The following SPAG1 variants were observed in gnomAD, a reference collection of about 807,000 sequenced individuals.
SPAG1 encodes the protein sperm-associated antigen 1.
A neutral mutation model predicts 100.5 loss-of-function variants in SPAG1; 69 were observed. The observed-to-expected ratio is 0.69, with a 90% confidence interval of 0.57 to 0.84. The LOEUF is 0.84. Among genes scored for constraint, SPAG1 ranks in the 40% least tolerant of loss-of-function variants. SPAG1 has a pLI of 0.00. For missense variants in SPAG1, 955 were observed against 1,133.1 expected (o/e 0.84, Z 2.26); for synonymous variants, 336 against 411.6 (o/e 0.82, Z 2.22).
In SPAG1 at chr8:100,239,443, G is replaced by C. The variant is rs1819157259; in HGVS notation, c.2280+39G>C. ...ATTATCTTTGAAAGTACTCCTTTGG[G>C]GACCTTAGACTGGATTCTAAGGTCA... On this transcript the variant is annotated intron_variant, in intron 17 of 18. Transcript: ENST00000388798. The surrounding 1 kb of genome is among the most constrained non-coding windows in gnomAD (Gnocchi z 5.0). 3 of 1,314,062 alleles carry C rather than the reference G, an allele frequency of 2.3e-6. No homozygotes were observed. In the African/African-American group the frequency reaches 4.4e-5, roughly 19 times the overall value. The allele number at this position is 1,314,062 out of a possible 1,614,324, so 81.4% of individuals were successfully genotyped here. A position where few individuals can be genotyped will look rare whatever the true frequency, so the allele number is the denominator to read the frequency against.
In SPAG1 at chr8:100,158,634, A is replaced by G. The variant is rs1452257606; in HGVS notation, c.-3+18A>G. ...AACTGGAGGTATTACTAAGCTGGCT[A>G]CGAAATATGGGAGGTGGATGTGGAT... On this transcript the variant is annotated intron_variant, in intron 1 of 18. Transcript: ENST00000388798. 1 of 152,186 alleles carries G rather than the reference A, an allele frequency of 6.6e-6. No individual in the cohort carries two copies. The highest frequency in any genetic ancestry group is 6.5e-5 in the Admixed American group (1 of 15,268). The allele number at this position is 152,186 out of a possible 1,614,324, so 9.4% of individuals were successfully genotyped here.
chr8:100,236,893 A>G (rs1563817384), intron 16 of SPAG1, among the ~76,000 whole-genome samples: 1 of 152,226 alleles, frequency 6.6e-6, no homozygotes, highest in Non-Finnish European at 1.5e-5. Flanking sequence ...GTTATGTATC[A>G]ATACAAATAT....
intron 4 of SPAG1, among the ~76,000 whole-genome samples, chr8:100,179,982 A>G (rs1484076616): frequency 6.6e-6 from 1 of 152,220 alleles, no homozygotes; most frequent in Non-Finnish European, 1.5e-5. Flanking sequence ...TCGCTTTAAG[A>G]AAAACAACTC....
intron 12 of SPAG1, among the ~76,000 whole-genome samples, chr8:100,214,623 C>T (rs923235979): frequency 5.9e-5 from 9 of 152,030 alleles, no homozygotes; most frequent in African/African-American, 2.2e-4. Context: ...TTTTAATAGA[C>T]AAATAATCAC....
chr8:100,239,444 G>T lies in SPAG1; in HGVS notation c.2280+40G>T. On this transcript the variant is annotated intron_variant, in intron 17 of 18. Transcript: ENST00000388798. The surrounding 1 kb of genome is among the most constrained non-coding windows in gnomAD (Gnocchi z 5.0). ...TTATCTTTGAAAGTACTCCTTTGGG[G>T]ACCTTAGACTGGATTCTAAGGTCAT... 1 of 1,268,962 alleles carries T rather than the reference G, an allele frequency of 7.9e-7. No individual in the cohort carries two copies. Among genetic ancestry groups the T allele is most frequent in the South Asian group, 1.2e-5 (1 of 81,402 alleles). 78.6% of individuals were successfully genotyped at this position (1,268,962 alleles called of 1,614,324 possible). A position where few individuals can be genotyped will look rare whatever the true frequency, so the allele number is the denominator to read the frequency against.
intron 16 of SPAG1, among the ~76,000 whole-genome samples, chr8:100,234,802 G>A (rs937507357): frequency 6.6e-6 from 1 of 152,192 alleles, no homozygotes; most frequent in Admixed American, 6.5e-5. Context: ...GTCAGATCCT[G>A]AGGGGCTTGG....
intron 14 of SPAG1, among the ~76,000 whole-genome samples, chr8:100,229,519 G>C (rs552921627): frequency 6.6e-6 from 1 of 152,330 alleles, no homozygotes; most frequent in South Asian, 2.1e-4. Context: ...CTGTTCATCT[G>C]AATTGGGCCA....
intron 3 of SPAG1, among the ~76,000 whole-genome samples, chr8:100,171,322 T>G (rs1400218920): frequency 6.6e-6 from 1 of 152,208 alleles, no homozygotes; most frequent in African/African-American, 2.4e-5. Context: ...AATATCACTG[T>G]CTGGTTTTGG....
chr8:100,232,392 C>T (rs1196099578), intron 15 of SPAG1, among the ~76,000 whole-genome samples: 1 of 152,126 alleles, frequency 6.6e-6, no homozygotes, highest in Non-Finnish European at 1.5e-5. Context: ...ATTCCATCCT[C>T]TCCCCAGGTC....
intron 10 of SPAG1, among the ~76,000 whole-genome samples, chr8:100,196,671 A>C (rs927777347): frequency 1.3e-5 from 2 of 151,982 alleles, no homozygotes; most frequent in Non-Finnish European, 2.9e-5. Context: ...TACAGAGCAA[A>C]GGTTTTTCAT....
At chr8:100,168,763 T>C (rs778954254) in intron 3 of SPAG1, among the ~76,000 whole-genome samples, 1 of 145,966 alleles carries the variant, frequency 6.9e-6, no homozygotes, top group Non-Finnish European at 1.5e-5. Flanking sequence ...TCTCAGCTCA[T>C]TGCAACCTCC....
At chr8:100,220,188 A>T in intron 12 of SPAG1, 91 bp from the exon 13 acceptor site, 1 of 1,069,046 alleles carries the variant, frequency 9.4e-7, no homozygotes, top group Non-Finnish European at 1.3e-6. Flanking sequence ...TACATATTTG[A>T]GAGTTCAGTA....
chr8:100,208,364 G>A (rs775495762), intron 10 of SPAG1, among the ~76,000 whole-genome samples: 29 of 152,154 alleles, frequency 1.9e-4, no homozygotes, highest in Admixed American at 6.5e-5. Flanking sequence ...CCATGAGGGC[G>A]TGTCTTAGTA....
At chr8:100,237,903 A>C (rs1443598327) in intron 16 of SPAG1, among the ~76,000 whole-genome samples, 1 of 152,150 alleles carries the variant, frequency 6.6e-6, no homozygotes, top group African/African-American at 2.4e-5. Flanking sequence ...TGTGGCTCAC[A>C]GGTCTCTATT....
chr8:100,181,641 C>T (rs1434009102), intron 4 of SPAG1, among the ~76,000 whole-genome samples: 7 of 152,152 alleles, frequency 4.6e-5, no homozygotes, highest in South Asian at 4.1e-4. Flanking sequence ...TTGGAAGCCC[C>T]GGCCTTCCTT....
chr8:100,166,158 G>A (rs899123869), intron 3 of SPAG1, among the ~76,000 whole-genome samples, 185 bp downstream of exon 3: 7 of 152,188 alleles, frequency 4.6e-5, no homozygotes. Flanking sequence ...GTCCGTACAT[G>A]TGTATATTTA....
In SPAG1 at chr8:100,239,148, G is replaced by T; in HGVS notation, c.2116-92G>T. The T allele has an allele frequency of 1.3e-6, 1 of 740,872 alleles. No individual in the cohort carries two copies. The highest frequency in any genetic ancestry group is 1.9e-5 in the South Asian group (1 of 51,672). 45.9% of individuals were successfully genotyped at this position (740,872 alleles called of 1,614,324 possible). On this transcript the variant is annotated intron_variant, in intron 16 of 18. Transcript: ENST00000388798. This position sits in a 1 kb window ranked among gnomAD's most constrained non-coding sequence, Gnocchi z 5.0. ...TTAATGTGGACCCTGCACACATACT[G>T]CACAGCTCACTACATCCACCCCACT...
At chr8:100,238,887 C>A (rs1819127263) in intron 16 of SPAG1, among the ~76,000 whole-genome samples, 1 of 152,166 alleles carries the variant, frequency 6.6e-6, no homozygotes, top group Admixed American at 6.5e-5. Context: ...TCTTAAGTTT[C>A]ATTGCTAGTA....
intron 4 of SPAG1, among the ~76,000 whole-genome samples, chr8:100,178,229 C>T (rs1816214966): frequency 6.6e-6 from 1 of 150,764 alleles, no homozygotes; most frequent in African/African-American, 2.4e-5. Context: ...TCTCTTCCGT[C>T]CAGTTTTGAT....
Sources: gnomAD v4.1 joint callset for allele counts (sites outside exome capture counted in the v4.1 genomes callset) on GRCh38, gnomAD v4.1.1 for gene constraint, Gnocchi (gnomAD v3.1) non-coding constraint, MANE v1.5 for transcripts, NCBI Gene and HGNC (gene_info 2026-07-23, HGNC 2026-07-21) for gene names.